Variants in ZBTB49 observed in about 807,000 individuals in gnomAD.
ZBTB49 encodes zinc finger and BTB domain-containing protein 49.
ZBTB49 carries 43 observed loss-of-function variants against 57.5 expected under a neutral mutation model. The ratio of observed to expected loss-of-function variants is 0.75; its 90% CI spans 0.59 to 0.97. The LOEUF (loss-of-function observed/expected upper bound fraction) is 0.97, where lower values mean the gene tolerates loss of function less well. Among genes scored for constraint, ZBTB49 ranks in the 50% least tolerant of loss-of-function variants. The pLI, the probability that ZBTB49 is intolerant of heterozygous loss-of-function variation, is 0.00. For synonymous variants in ZBTB49, 369 were observed against 362.1 expected (o/e 1.02, Z -0.22); for missense variants, 938 against 947.7 (o/e 0.99, Z 0.13).
chr4:4,293,297 C>T (rs762874702), intron 1 of ZBTB49, among the ~76,000 whole-genome samples: 1 of 152,230 alleles, frequency 6.6e-6, no homozygotes, highest in African/African-American at 2.4e-5. Flanking sequence ...CCTTCTCTCA[C>T]GCTATAACAC....
At position 4,299,992 on chromosome 4, in the gene ZBTB49, A is replaced by G; in HGVS notation, c.47A>G (p.His16Arg). ...AGCTGCCATCTGCTCCAGCAACTGCATGAGCAGCGAATCCAAGGCCTGCTT... is the reference window on the plus strand; with the variant it reads ...AGCTGCCATCTGCTCCAGCAACTGCGTGAGCAGCGAATCCAAGGCCTGCTT... ...THSCHLLQQL[H>R]EQRIQGLLCD... Residue 16 changes from histidine (H) to arginine (R), a missense_variant, in exon 2 of 8, where the codon CAT (histidine) becomes CGT (arginine). Coordinates refer to ENST00000337872, the MANE Select transcript of ZBTB49 (RefSeq NM_145291.4). The G allele has an allele frequency of 2.5e-6, 4 of 1,614,228 alleles. No homozygotes were observed. Among genetic ancestry groups the G allele is most frequent in the South Asian group, 2.2e-5 (2 of 91,090 alleles).
At chr4:4,306,629 C>G (rs1296994238) in intron 4 of ZBTB49, among the ~76,000 whole-genome samples, 3 of 152,214 alleles carry the variant, frequency 2.0e-5, no homozygotes, top group African/African-American at 7.2e-5. Flanking sequence ...CTACCTTTAG[C>G]TGACCTCCAT....
At position 4,293,816 on chromosome 4, in the gene ZBTB49, A is replaced by G. The variant is rs529394667; in HGVS notation, c.-20+3464A>G. ...ATCTTACAGGTGGCTCAGGCCTTCCATAGCCACTGTTCTGAAAGATGGGAA... is the reference window on the plus strand; with the variant it reads ...ATCTTACAGGTGGCTCAGGCCTTCCGTAGCCACTGTTCTGAAAGATGGGAA... On this transcript the variant is annotated intron_variant, in intron 1 of 7. Transcript: ENST00000337872. 5.3e-5 allele frequency among the ~76,000 whole-genome samples: 8 copies of G among 152,286 alleles called. No homozygotes were observed. In the East Asian group the frequency reaches 1.4e-3, roughly 26 times the overall value.
chr4:4,303,049 A>G lies in ZBTB49; in HGVS notation c.1213A>G (p.Lys405Glu). The G allele has an allele frequency of 6.2e-7, 1 of 1,612,266 alleles. No individual in the cohort carries two copies. Among genetic ancestry groups the G allele is most frequent in the Non-Finnish European group, 8.5e-7 (1 of 1,179,062 alleles). The change falls in exon 3 of 8, where the codon AAA becomes GAA. Residue 405 changes from lysine (K) to glutamate (E), a missense_variant. This residue lies in a region of ZBTB49 where 835 missense variants were observed against 819.1 expected (regional missense o/e 1.02). Transcript: ENST00000337872. ...GTGTGAATTATGCGGGAAACCTTTT[A>G]AACACCCAAGCAACTTGGAGCTTCA... ...YACELCGKPF[K>E]HPSNLELHKR...
At position 4,299,913 on chromosome 4, in the gene ZBTB49, A is replaced by T; in HGVS notation, c.-19-14A>T. The T allele has an allele frequency of 1.2e-6, 2 of 1,609,984 alleles. No individual in the cohort carries two copies. The highest frequency in any genetic ancestry group is 1.7e-6 in the Non-Finnish European group (2 of 1,177,740). On this transcript the variant is annotated splice_polypyrimidine_tract_variant and intron_variant, in intron 1 of 7. Transcript: ENST00000337872. ...CTTAAGAATATCTGTCGTATCTGTG[A>T]TTTTTTGCTGTAGGTCACCTGAATG... is the stretch of plus-strand genomic sequence containing the variant.
intron 5 of ZBTB49, 41 bp from the exon 6 acceptor site, chr4:4,315,595 T>G: frequency 1.3e-6 from 2 of 1,598,692 alleles, no homozygotes; most frequent in South Asian, 2.2e-5. Flanking sequence ...CCCACAGTAA[T>G]GTGGAAAGGC....
intron 7 of ZBTB49, among the ~76,000 whole-genome samples, chr4:4,319,189 G>A: frequency 6.6e-6 from 1 of 151,940 alleles, no homozygotes; most frequent in Admixed American, 6.6e-5. Context: ...CACCTCACCT[G>A]GCCTACAGTA....
At chr4:4,292,011 G>T (rs1719961827) in intron 1 of ZBTB49, among the ~76,000 whole-genome samples, 3 of 152,070 alleles carry the variant, frequency 2.0e-5, no homozygotes, top group Admixed American at 2.0e-4. Context: ...GGTGGCGCAT[G>T]CCTGTAATCC....
chr4:4,298,581 C>G (rs1256634436), intron 1 of ZBTB49, among the ~76,000 whole-genome samples: 1 of 152,114 alleles, frequency 6.6e-6, no homozygotes, highest in Non-Finnish European at 1.5e-5. Flanking sequence ...CATGTGCCAC[C>G]ATGCCTAGCT....
In ZBTB49 at chr4:4,321,096, C is replaced by T. The variant is rs775936090; in HGVS notation, c.2078C>T (p.Ser693Leu). 5.6e-6 allele frequency: 9 copies of T among 1,614,054 alleles called. No homozygotes were observed. The highest frequency in any genetic ancestry group is 5.5e-5 in the South Asian group (5 of 91,086). The change falls in exon 8 of 8, where the codon TCG (serine) becomes TTG (leucine). Residue 693 changes from serine (S) to leucine (L), a missense_variant. Ser to Leu is a moderately radical substitution (Grantham distance 145). Around this residue, in one of 3 missense-constraint regions of ZBTB49, gnomAD observed 835 missense variants for 819.1 expected, o/e 1.02. Coordinates refer to ENST00000337872, the MANE Select transcript of ZBTB49 (RefSeq NM_145291.4). Reference protein sequence around the residue: ...QQTQPQAYAYSDVDTPAGGEP... With the variant: ...QQTQPQAYAYLDVDTPAGGEP... Reference sequence around the variant, plus strand: ...ACACAGCCTCAGGCCTATGCTTACTCGGATGTGGACACCCCAGCCGGTGGC... The same window carrying T: ...ACACAGCCTCAGGCCTATGCTTACTTGGATGTGGACACCCCAGCCGGTGGC...
In ZBTB49 at chr4:4,302,275, G is replaced by A; in HGVS notation, c.439G>A (p.Val147Ile). 6.2e-7 allele frequency: 1 copy of A among 1,614,132 alleles called. No homozygotes were observed. Among genetic ancestry groups the A allele is most frequent in the South Asian group, 1.1e-5 (1 of 91,088 alleles). ...CACCCTGACCCCAGATGCCACTTGT[G>A]TTATCAGTGAAAACTACCCCCCTCA... is the stretch of plus-strand genomic sequence containing the variant. ...QSTLTPDATC[V>I]ISENYPPHLL... Residue 147 changes from valine (V) to isoleucine (I), a missense_variant, in exon 3 of 8, where the codon GTT becomes ATT. By Grantham distance (29) the Val-to-Ile change is conservative. Transcript: ENST00000337872.
Position 4,315,850 on chromosome 4 carries a change from C to T in ZBTB49, c.1501C>T (p.His501Tyr). 3 of 1,614,240 alleles carry T rather than the reference C, an allele frequency of 1.9e-6. No individual in the cohort carries two copies. The highest frequency in any genetic ancestry group is 2.2e-5 in the East Asian group (1 of 44,890). ...TAATTTGAAGGAGCACAAAAAGACA[C>T]ACACGGCTGATAAAGTCTTCACCTG... ...FSNLKEHKKT[H>Y]TADKVFTCDE... is the part of the protein sequence containing the mutation. Residue 501 changes from histidine to tyrosine, a missense_variant, in exon 7 of 8, where the codon CAC (histidine) becomes TAC (tyrosine). His to Tyr is a moderately conservative substitution (Grantham distance 83). Around this residue, in one of 3 missense-constraint regions of ZBTB49, gnomAD observed 835 missense variants for 819.1 expected, o/e 1.02. Transcript: ENST00000337872.
intron 3 of ZBTB49, among the ~76,000 whole-genome samples, chr4:4,304,632 T>G (rs1720659369): frequency 6.6e-6 from 1 of 152,226 alleles, no homozygotes; most frequent in Non-Finnish European, 1.5e-5. Flanking sequence ...GCAAAGATGC[T>G]TACTGGCACA....
intron 4 of ZBTB49, among the ~76,000 whole-genome samples, chr4:4,311,889 G>C (rs1577244418): frequency 6.6e-6 from 1 of 152,054 alleles, no homozygotes; most frequent in South Asian, 2.1e-4. Context: ...CCCAGAATTT[G>C]ATAGACATGA....
Position 4,320,856 on chromosome 4 carries a change from G to A in ZBTB49, c.1838G>A (p.Ser613Asn), listed in dbSNP as rs1721382467. Reference sequence around the variant, plus strand: ...ACCTCCGACCTCGAGAAATCTCAGAGCTCAGACTCTTTCTCCCAAGACACG... The same window carrying A: ...ACCTCCGACCTCGAGAAATCTCAGAACTCAGACTCTTTCTCCCAAGACACG... ...IETSDLEKSQ[S>N]SDSFSQDTSV... Residue 613 changes from serine (S) to asparagine (N), a missense_variant, in exon 8 of 8, where the codon AGC (serine) becomes AAC (asparagine). Transcript: ENST00000337872. 6.2e-7 allele frequency: 1 copy of A among 1,614,088 alleles called. No individual in the cohort carries two copies. The highest frequency in any genetic ancestry group is 8.5e-7 in the Non-Finnish European group (1 of 1,180,044).
Position 4,302,085 on chromosome 4 carries a change from C to T in ZBTB49, c.249C>T (p.Tyr83=), listed in dbSNP as rs568574996. ...SGIGQILDFM[Y]TSHLDLNQDN... ...TAGGGCAGATCCTGGACTTCATGTACACTTCTCATCTAGATCTTAACCAGG... is the reference window on the plus strand; with the variant it reads ...TAGGGCAGATCCTGGACTTCATGTATACTTCTCATCTAGATCTTAACCAGG... Residue 83 remains tyrosine (Y), a synonymous_variant, in exon 3 of 8, where the codon TAC becomes TAT. Coordinates refer to ENST00000337872, the MANE Select transcript of ZBTB49 (RefSeq NM_145291.4). 11 of 1,613,960 alleles carry T rather than the reference C, an allele frequency of 6.8e-6. No individual in the cohort carries two copies. Among genetic ancestry groups the T allele is most frequent in the Middle Eastern group, 1.6e-4 (1 of 6,062 alleles).
At chr4:4,291,298 T>A (rs1369813138) in intron 1 of ZBTB49, among the ~76,000 whole-genome samples, 2 of 152,240 alleles carry the variant, frequency 1.3e-5, no homozygotes, top group Non-Finnish European at 2.9e-5. Flanking sequence ...TGCACGTGGC[T>A]GCTTTCTTGC....
At chr4:4,309,369 T>A (rs1046663051) in intron 4 of ZBTB49, among the ~76,000 whole-genome samples, 1 of 152,220 alleles carries the variant, frequency 6.6e-6, no homozygotes, top group African/African-American at 2.4e-5. Context: ...AGAGTATGAC[T>A]GAGTCGCAGT....
chr4:4,303,584 G>A lies in ZBTB49; in HGVS notation c.1255+493G>A, dbSNP rs548686520. Among the ~76,000 whole-genome samples the A allele has an allele frequency of 4.6e-5, 7 of 152,202 alleles. No homozygotes were observed. In the East Asian group the frequency reaches 1.4e-3, roughly 29 times the overall value. On this transcript the variant is annotated intron_variant, in intron 3 of 7. Coordinates refer to ENST00000337872, the MANE Select transcript of ZBTB49 (RefSeq NM_145291.4). ...TTTAAAATTCTAATTTGGGAGTCAG[G>A]AAGTAAACTTTTTAATAAGAATCAG...
Sources: allele counts gnomAD v4.1 joint callset (sites outside exome capture counted in the v4.1 genomes callset), GRCh38; gene constraint gnomAD v4.1.1; regional missense constraint gnomAD v4.1.1; transcripts MANE v1.5; gene names NCBI Gene and HGNC (gene_info 2026-07-23, HGNC 2026-07-21).